TNKS: variants seen among roughly 807,000 people sequenced by gnomAD.
TNKS encodes tankyrase.
A neutral mutation model predicts 135.8 loss-of-function variants in TNKS; 72 were observed. The observed-to-expected ratio is 0.53, with a 90% CI of 0.44 to 0.64. The LOEUF is 0.64. TNKS is among the 30% of genes least tolerant of loss of function. The probability of loss-of-function intolerance (pLI) is 0.00; values close to 1 mark genes in which losing one functional copy is unlikely to be tolerated. For synonymous variants in TNKS, 849 were observed against 649.3 expected, an observed-to-expected ratio of 1.31 and a Z score of -4.68; for missense variants, 1,769 against 1,674.0, an observed-to-expected ratio of 1.06 and a Z score of -0.99.
chr8:9,600,366 T>G (rs1264434109), intron 2 of TNKS, among the ~76,000 whole-genome samples: 1 of 152,084 alleles, frequency 6.6e-6, no homozygotes, highest in African/African-American at 2.4e-5. Context: ...CAGGATAGAG[T>G]CCAGTGGTGT....
intron 5 of TNKS, among the ~76,000 whole-genome samples, chr8:9,700,719 C>G (rs1390278697): frequency 6.6e-6 from 1 of 151,930 alleles, no homozygotes; most frequent in African/African-American, 2.4e-5. Context: ...ATTCTGCTTC[C>G]TAATAGTTTT....
intron 2 of TNKS, among the ~76,000 whole-genome samples, chr8:9,599,688 G>A (rs1798936628): frequency 6.6e-6 from 1 of 151,926 alleles, no homozygotes. Context: ...GATTAACTTT[G>A]TTCATTGCAA....
chr8:9,651,271 A>T (rs1801138758), intron 3 of TNKS, among the ~76,000 whole-genome samples: 1 of 152,160 alleles, frequency 6.6e-6, no homozygotes, highest in African/African-American at 2.4e-5. Context: ...AATATATATA[A>T]AAATAGCAGC....
At position 9,733,402 on chromosome 8, in the gene TNKS, A is replaced by C; in HGVS notation, c.2271A>C (p.Ala757=). The C allele has an allele frequency of 6.2e-7, 1 of 1,613,736 alleles. No individual in the cohort carries two copies. ...DLWKFTPLHE[A]AAKGKYEICK... ...GGAAATTTACCCCTCTCCATGAAGC[A>C]GCAGCTAAAGGAAAGTATGAAATCT... Residue 757 remains alanine, a synonymous_variant, in exon 15 of 27, where the codon GCA becomes GCC. Coordinates refer to ENST00000310430, the MANE Select transcript of TNKS (RefSeq NM_003747.3).
At chr8:9,567,571 A>T (rs989312998) in intron 1 of TNKS, among the ~76,000 whole-genome samples, 1 of 151,910 alleles carries the variant, frequency 6.6e-6, no homozygotes, top group Admixed American at 6.5e-5. Context: ...GCCCGCCACC[A>T]CGCCCGGCTA....
chr8:9,631,167 C>A (rs1184909208), intron 3 of TNKS, among the ~76,000 whole-genome samples: 1 of 152,176 alleles, frequency 6.6e-6, no homozygotes, highest in Non-Finnish European at 1.5e-5. Context: ...TTAACTAGTT[C>A]ATAAAGTAGT....
intron 5 of TNKS, among the ~76,000 whole-genome samples, chr8:9,694,626 G>C (rs780508879): frequency 6.6e-6 from 1 of 152,132 alleles, no homozygotes; most frequent in South Asian, 2.1e-4. Flanking sequence ...GCCGGGTGTG[G>C]TGGTGGGCGC....
At chr8:9,608,955 C>G (rs1799339599) in intron 2 of TNKS, among the ~76,000 whole-genome samples, 1 of 152,138 alleles carries the variant, frequency 6.6e-6, no homozygotes, top group African/African-American at 2.4e-5. Context: ...AGAGGGAAAG[C>G]TAGTCTGATA....
rs566491607 is a variant in TNKS, at chr8:9,581,972, G to A, written c.898+1589G>A. ...CTTCCTCAGTTCACAGTAGGCTTTG[G>A]CACATATTGTCTTCATTCTGTTTAA... On this transcript the variant is annotated intron_variant, in intron 2 of 26. Transcript: ENST00000310430. 4.3e-4 allele frequency among the ~76,000 whole-genome samples: 66 copies of A among 152,264 alleles called. 1 individual carries two copies. The South Asian group carries it at 0.013, about 31-fold the overall frequency.
At chr8:9,605,199 C>A (rs1441706841) in intron 2 of TNKS, among the ~76,000 whole-genome samples, 6 of 151,962 alleles carry the variant, frequency 3.9e-5, no homozygotes, top group African/African-American at 1.4e-4. Context: ...TCAGCCATCC[C>A]CAGTCAACAA....
chr8:9,770,405 G>T, intron 26 of TNKS, 143 bp downstream of exon 26: 1 of 946,746 alleles, frequency 1.1e-6, no homozygotes, highest in Non-Finnish European at 1.5e-6. Flanking sequence ...CAAAATAAAG[G>T]TATCAAAATA....
chr8:9,733,456 A>G lies in TNKS; in HGVS notation c.2313+12A>G, dbSNP rs372871296. ...AGCTCCTTTTAAAAGTATGTAGTTT[A>G]AAAAGTTATGAAATATAACTAATTT... On this transcript the variant is annotated intron_variant, in intron 15 of 26. Coordinates refer to ENST00000310430, the MANE Select transcript of TNKS (RefSeq NM_003747.3). 1.2e-5 allele frequency: 20 copies of G among 1,604,092 alleles called. No homozygotes were observed. The highest frequency in any genetic ancestry group is 1.0e-4 in the Admixed American group (6 of 59,176).
intron 3 of TNKS, among the ~76,000 whole-genome samples, chr8:9,657,268 T>A (rs1801428689): frequency 9.4e-6 from 1 of 106,522 alleles, no homozygotes; most frequent in African/African-American, 3.5e-5. Context: ...CCCACCTCCC[T>A]CCCGGACGGG....
rs140250953 is a variant in TNKS at position 9,593,617 on chromosome 8, C to G, written c.898+13234C>G. On this transcript the variant is annotated intron_variant, in intron 2 of 26. Coordinates refer to ENST00000310430, the MANE Select transcript of TNKS (RefSeq NM_003747.3). ...AAAAATTTAAACCAAGTGTAACTTACTCCTAAAGTAATACCTCTCTGTTAA... is the reference window on the plus strand; with the variant it reads ...AAAAATTTAAACCAAGTGTAACTTAGTCCTAAAGTAATACCTCTCTGTTAA... Among the ~76,000 whole-genome samples the G allele has an allele frequency of 7.2e-5, 11 of 152,324 alleles. No individual in the cohort carries two copies. In the East Asian group the frequency reaches 2.1e-3, roughly 29 times the overall value.
At chr8:9,714,521 T>C (rs1331389128) in intron 11 of TNKS, among the ~76,000 whole-genome samples, 1 of 152,194 alleles carries the variant, frequency 6.6e-6, no homozygotes, top group Admixed American at 6.5e-5. Context: ...CCCTTTATAA[T>C]TGGGTTTGAT....
intron 11 of TNKS, among the ~76,000 whole-genome samples, chr8:9,715,364 G>A (rs552627116): frequency 6.4e-5 from 6 of 94,286 alleles, no homozygotes; most frequent in African/African-American, 2.2e-4. Flanking sequence ...AGCAGCAGGG[G>A]GGGCGGGTAT....
chr8:9,598,050 G>A (rs546160155), intron 2 of TNKS, among the ~76,000 whole-genome samples: 60 of 152,184 alleles, frequency 3.9e-4, no homozygotes, highest in African/African-American at 1.4e-3. Flanking sequence ...AAGTACAGCA[G>A]AATGTTGGCA....
intron 17 of TNKS, among the ~76,000 whole-genome samples, chr8:9,747,126 G>A (rs980592150): frequency 5.9e-5 from 9 of 151,656 alleles, no homozygotes; most frequent in African/African-American, 1.7e-4. Context: ...CAGGTGATCC[G>A]CCCACCTCAG....
intron 2 of TNKS, among the ~76,000 whole-genome samples, chr8:9,597,074 G>A (rs528672000): frequency 1.3e-5 from 2 of 152,332 alleles, no homozygotes; most frequent in East Asian, 1.9e-4. Context: ...GATAATCTTA[G>A]CTTGCATTTA....
Sources: gnomAD v4.1 joint callset for allele counts (sites outside exome capture counted in the v4.1 genomes callset) on GRCh38, gnomAD v4.1.1 for gene constraint, MANE v1.5 for transcripts, NCBI Gene and HGNC (gene_info 2026-07-23, HGNC 2026-07-21) for gene names.